The following POM121 variants were observed in gnomAD, a reference collection of about 807,000 sequenced individuals.
The protein encoded by POM121 is nuclear envelope pore membrane protein POM 121.
A neutral mutation model predicts 81.3 loss-of-function variants in POM121; 32 were observed. The observed-to-expected ratio is 0.39, with a 90% CI of 0.30 to 0.53. The LOEUF (loss-of-function observed/expected upper bound fraction) is 0.53, where lower values mean the gene tolerates loss of function less well. POM121 is among the 20% of genes least tolerant of loss of function. POM121 has a pLI of 0.66. For missense variants in POM121, 1,138 were observed against 1,614.6 expected (o/e 0.70, Z 5.06); for synonymous variants, 514 against 694.2 (o/e 0.74, Z 4.08).
At chr7:72,891,443 G>A (rs1470719818) in intron 3 of POM121, among the ~76,000 whole-genome samples, 2 of 152,110 alleles carry the variant, frequency 1.3e-5, no homozygotes, top group East Asian at 1.9e-4. Flanking sequence ...GTCTTGTTCT[G>A]TCACCCAGGC....
intron 11 of POM121, among the ~76,000 whole-genome samples, chr7:72,943,789 A>G (rs1458380131): frequency 2.6e-5 from 4 of 152,244 alleles, no homozygotes; most frequent in East Asian, 3.9e-4. Flanking sequence ...TGTAATCCCA[A>G]TATTTTGGGA....
rs1586148104 is a variant in POM121 at position 72,925,648 on chromosome 7, C to T, written c.527C>T (p.Pro176Leu). 4.2e-6 allele frequency: 5 copies of T among 1,200,314 alleles called. No homozygotes were observed. The highest frequency in any genetic ancestry group is 5.0e-5 in the Admixed American group (1 of 20,122). 74.4% of individuals were successfully genotyped at this position (1,200,314 alleles called of 1,614,324 possible). The change falls in exon 1 of 13, where the codon CCG becomes CTG. Residue 176 changes from proline (P) to leucine (L), a missense_variant. Coordinates refer to ENST00000434423, the MANE Select transcript of POM121 (RefSeq NM_001387691.1). Reference protein sequence around the residue: ...PPARPAPRSPPPRSPPPRSPP... With the variant: ...PPARPAPRSPLPRSPPPRSPP... The stretch of plus-strand genomic sequence containing the variant: ...GCCCGCCCGGCGCCGCGCTCCCCAC[C>T]GCCGCGCTCCCCACCGCCGCGCTCC...
At position 72,947,878 on chromosome 7, in the gene POM121, G is replaced by A. The variant is rs572200948; in HGVS notation, c.*1644G>A. ...CGATGTGACTGAGGGTGAGTGAGTGGTGGCGGGGCTGCTCCTTCCCACCCC... is the reference window on the plus strand; with the variant it reads ...CGATGTGACTGAGGGTGAGTGAGTGATGGCGGGGCTGCTCCTTCCCACCCC... On this transcript the variant is annotated 3_prime_UTR_variant, in exon 13 of 13. Coordinates refer to ENST00000434423, the MANE Select transcript of POM121 (RefSeq NM_001387691.1). The A allele has an allele frequency of 8.1e-5, 81 of 994,518 alleles. 2 individuals carry two copies. The South Asian group carries it at 3.3e-3, about 41-fold the overall frequency. The allele number at this position is 994,518 out of a possible 1,614,324, so 61.6% of individuals were successfully genotyped here. A position where few individuals can be genotyped will look rare whatever the true frequency, so the allele number is the denominator to read the frequency against.
intron 5 of POM121, among the ~76,000 whole-genome samples, chr7:72,930,866 A>G (rs1236945920): frequency 6.6e-6 from 1 of 152,100 alleles, no homozygotes; most frequent in East Asian, 1.9e-4. Flanking sequence ...GACATCTAGT[A>G]GCTATAAGGT....
At chr7:72,925,910 C>CA in intron 1 of POM121, 145 bp downstream of exon 1, 1 of 1,061,262 alleles carries the variant, frequency 9.4e-7, no homozygotes, top group East Asian at 2.8e-5. Context: ...TGGTGTGTGC[C>CA]AGCTGTCTCC....
chr7:72,896,591 C>G (rs1399850844), intron 3 of POM121, among the ~76,000 whole-genome samples: 1 of 139,068 alleles, frequency 7.2e-6, no homozygotes, highest in Non-Finnish European at 1.5e-5. Flanking sequence ...GCTCAGAGTT[C>G]TCAGGTTGCA....
chr7:72,946,119 C>G lies in POM121; in HGVS notation c.3653-18C>G, dbSNP rs559967845. On this transcript the variant is annotated intron_variant, in intron 12 of 12. Coordinates refer to ENST00000434423, the MANE Select transcript of POM121 (RefSeq NM_001387691.1). ...CAGGTAGCAGCTGCCCTGATGAGGTCTTGTTGAATCTTTCCAGGATCGGCG... is the reference window on the plus strand; with the variant it reads ...CAGGTAGCAGCTGCCCTGATGAGGTGTTGTTGAATCTTTCCAGGATCGGCG... 1.2e-6 allele frequency: 2 copies of G among 1,611,284 alleles called. No homozygotes were observed. Among genetic ancestry groups the G allele is most frequent in the Admixed American group, 1.7e-5 (1 of 59,892 alleles).
At chr7:72,943,823 A>C (rs1306809169) in intron 11 of POM121, among the ~76,000 whole-genome samples, 6 of 152,216 alleles carry the variant, frequency 3.9e-5, no homozygotes, top group African/African-American at 1.4e-4. Flanking sequence ...GCATCACTTG[A>C]GGCCAGGAGT....
rs566713241 is a variant in POM121 at position 72,932,047 on chromosome 7, A to G, written c.1275+1936A>G. 2.4e-3 allele frequency among the ~76,000 whole-genome samples: 355 copies of G among 149,106 alleles called. 1 individual carries two copies. Among genetic ancestry groups the G allele is most frequent in the African/African-American group, 8.4e-3 (338 of 40,188 alleles). On this transcript the variant is annotated intron_variant, in intron 5 of 12. Coordinates refer to ENST00000434423, the MANE Select transcript of POM121 (RefSeq NM_001387691.1). The stretch of plus-strand genomic sequence containing the variant: ...TGTTAATTGTCCTTTGGGTACACCA[A>G]CTTTATATACAGTGAGGTTCGTTTG...
At chr7:72,935,989 A>T (rs1554499386) in intron 5 of POM121, among the ~76,000 whole-genome samples, 1 of 150,676 alleles carries the variant, frequency 6.6e-6, no homozygotes, top group East Asian at 1.9e-4. Context: ...TATTCTGTTT[A>T]TGTCTTGCTG....
chr7:72,924,572 C>T (rs1369680917), upstream of POM121: 2 of 152,568 alleles, frequency 1.3e-5, no homozygotes, highest in Non-Finnish European at 2.9e-5. Flanking sequence ...CACCCCCAAA[C>T]CCACTCCCTA....
chr7:72,891,792 A>G (rs1197059076), intron 3 of POM121, among the ~76,000 whole-genome samples: 1 of 152,140 alleles, frequency 6.6e-6, no homozygotes, highest in African/African-American at 2.4e-5. Context: ...TTTATCTTCC[A>G]GTTTCTTTCC....
intron 5 of POM121, among the ~76,000 whole-genome samples, chr7:72,936,224 A>G (rs1796490047): frequency 6.6e-6 from 1 of 151,954 alleles, no homozygotes. Context: ...ATGAGACTTC[A>G]CTATGTTACC....
At chr7:72,948,864 C>G (rs782504255), downstream of POM121, 17 of 1,599,600 alleles carry the variant, frequency 1.1e-5, 1 homozygote, top group African/African-American at 1.6e-4. Context: ...CCATCCCCCC[C>G]TCCACGACCC....
chr7:72,926,074 T>TAAGCAGCTGTC (rs1278963978), intron 1 of POM121, among the ~76,000 whole-genome samples, 188 bp from the exon 2 acceptor site: 1 of 152,210 alleles, frequency 6.6e-6, no homozygotes, highest in Admixed American at 6.5e-5. Context: ...AGACAGCTGT[T>TAAGCAGCTGTC]AAGCAGCTGT....
intron 4 of POM121, among the ~76,000 whole-genome samples, chr7:72,914,785 G>A (rs1286584243): frequency 2.2e-4 from 33 of 152,040 alleles, no homozygotes; most frequent in Non-Finnish European, 2.2e-4. Flanking sequence ...TCTCCTTTTC[G>A]TGTGGGTGTC....
intron 3 of POM121, among the ~76,000 whole-genome samples, chr7:72,896,681 G>A (rs1228308369): frequency 4.7e-5 from 7 of 148,720 alleles, no homozygotes; most frequent in African/African-American, 1.5e-4. Flanking sequence ...AGAAAGAAAA[G>A]TGCTTGAAAA....
rs182285656 is a variant in POM121, at chr7:72,880,455, A to C, written c.-521+570A>C. Among the ~76,000 whole-genome samples, 661 of 152,230 alleles carry C rather than the reference A, an allele frequency of 4.3e-3. 5 individuals are homozygous for C. The highest frequency in any genetic ancestry group is 0.015 in the African/African-American group (603 of 41,504). On this transcript the variant is annotated intron_variant, in intron 1 of 15. Coordinates refer to the POM121 transcript ENST00000395270. ...CGTATCCTAGTTTTCTTAATAGAAG[A>C]TTATTAGGTGCAGCAATAACCAACT... is the stretch of plus-strand genomic sequence containing the variant.
rs1413337146 is a variant in POM121 at position 72,946,369 on chromosome 7, C to T, written c.*135C>T. On this transcript the variant is annotated 3_prime_UTR_variant, in exon 13 of 13. Coordinates refer to ENST00000434423, the MANE Select transcript of POM121 (RefSeq NM_001387691.1). Reference sequence around the variant, plus strand: ...ATCTCTGGCTTCAGCCGCCAGGGGGCAGTGGCAGCCCTGGGGCCCTTTCCC... The same window carrying T: ...ATCTCTGGCTTCAGCCGCCAGGGGGTAGTGGCAGCCCTGGGGCCCTTTCCC... The T allele has an allele frequency of 4.8e-5, 69 of 1,440,696 alleles. 1 individual carries two copies. In the South Asian group the frequency reaches 5.2e-4, roughly 11 times the overall value. The allele number at this position is 1,440,696 out of a possible 1,614,324, so 89.2% of individuals were successfully genotyped here.
Sources: gnomAD v4.1 joint callset for allele counts (sites outside exome capture counted in the v4.1 genomes callset) on GRCh38, gnomAD v4.1.1 for gene constraint, MANE v1.5 for transcripts, NCBI Gene and HGNC (gene_info 2026-07-23, HGNC 2026-07-21) for gene names.